GUK1: variants seen among roughly 807,000 people sequenced by gnomAD.
The protein encoded by GUK1 is guanylate kinase 1.
A neutral mutation model predicts 25.2 loss-of-function variants in GUK1; 18 were observed. That is an observed-to-expected ratio of 0.71 (90% CI 0.49 to 1.06). The LOEUF (loss-of-function observed/expected upper bound fraction) is 1.06, where lower values mean the gene tolerates loss of function less well. GUK1 is among the 50% of genes least tolerant of loss of function. GUK1 has a pLI of 0.00. For synonymous variants in GUK1, 105 were observed against 117.6 expected (o/e 0.89, Z 0.69); for missense variants, 261 against 276.7 (o/e 0.94, Z 0.40).
At chr1:228,141,888 T>A in intron 2 of GUK1, 1 of 767,366 alleles carries the variant, frequency 1.3e-6, no homozygotes, top group Non-Finnish European at 1.7e-6. Flanking sequence ...AGTTTGCGAC[T>A]GTGGGTTGGT....
chr1:228,148,478 C>A, intron 8 of GUK1, 22 bp downstream of exon 7: 2 of 1,547,878 alleles, frequency 1.3e-6, no homozygotes, highest in South Asian at 1.2e-5. Context: ...CTTGTGCCTA[C>A]CTGGGCAAGG....
rs779133161 is a variant in GUK1, at chr1:228,148,276, C to T, written c.476-95C>T. On this transcript the variant is annotated intron_variant, in intron 7 of 8. Coordinates refer to ENST00000312726, the MANE Select transcript of GUK1 (RefSeq NM_000858.7). ...AGCTGTCCCACAGCCGCAGTGAGGACAGCCGCAGGCCAGTGGGCTGCTCTG... is the reference window on the plus strand; with the variant it reads ...AGCTGTCCCACAGCCGCAGTGAGGATAGCCGCAGGCCAGTGGGCTGCTCTG... 1.5e-5 allele frequency: 14 copies of T among 904,226 alleles called. No homozygotes were observed. In the African/African-American group the frequency reaches 2.1e-4, roughly 14 times the overall value. 56.0% of individuals were successfully genotyped at this position (904,226 alleles called of 1,614,324 possible).
At chr1:228,140,422 C>T (rs767539464) in intron 1 of GUK1, 59 bp downstream of exon 1, 1 of 1,247,534 alleles carries the variant, frequency 8.0e-7, no homozygotes. Flanking sequence ...GCGGTCCCTG[C>T]GCTTTGCGGT....
intron 2 of GUK1, chr1:228,141,815 C>A (rs778172764): frequency 8.3e-7 from 1 of 1,206,398 alleles, no homozygotes; most frequent in East Asian, 6.7e-5. Context: ...CCTGTGGAGA[C>A]CACGTGCCTG....
At position 228,144,041 on chromosome 1, in the gene GUK1, G is replaced by A. The variant is rs1040432496; in HGVS notation, c.-2-1470G>A. On this transcript the variant is annotated intron_variant, in intron 2 of 8. Coordinates refer to ENST00000312726, the MANE Select transcript of GUK1 (RefSeq NM_000858.7). ...GTACCTTTGCAGGTACACATGTGTGGTGTGTGTGCATTTGCTTGGTGTGCG... is the reference window on the plus strand; with the variant it reads ...GTACCTTTGCAGGTACACATGTGTGATGTGTGTGCATTTGCTTGGTGTGCG... Among the ~76,000 whole-genome samples the A allele has an allele frequency of 3.4e-4, 51 of 152,060 alleles. 1 individual carries two copies.
At chr1:228,148,140 TG>T in intron 7 of GUK1, 1 of 636,696 alleles carries the variant, frequency 1.6e-6, no homozygotes, top group South Asian at 1.7e-5. Context: ...TGATGGGTGC[TG>T]GTGTCCAGAC....
At chr1:228,147,301 G>C in intron 5 of GUK1, 105 bp from the exon 5 acceptor site, 1 of 1,118,534 alleles carries the variant, frequency 8.9e-7, no homozygotes, top group South Asian at 1.4e-5. Flanking sequence ...CCTAGGCTCA[G>C]CTGTGGGAGG....
chr1:228,146,290 G>T, intron 4 of GUK1: 1 of 561,896 alleles, frequency 1.8e-6, no homozygotes, highest in Non-Finnish European at 3.2e-6. Context: ...CAAGGCCTGG[G>T]GCTGTCTTCC....
At chr1:228,148,308 G>C (rs762391593) in intron 7 of GUK1, 63 bp from the exon 7 acceptor site, 60 of 1,150,480 alleles carry the variant, frequency 5.2e-5, no homozygotes, top group Non-Finnish European at 7.6e-5. Context: ...TCTGGGGGTC[G>C]TGTGGGACCT....
Position 228,141,110 on chromosome 1 carries a change from C to T in GUK1, c.-167-14C>T. 1.0e-6 allele frequency: 1 copy of T among 984,344 alleles called. No homozygotes were observed. Among genetic ancestry groups the T allele is most frequent in the Non-Finnish European group, 1.2e-6 (1 of 828,916 alleles). The allele number at this position is 984,344 out of a possible 1,614,324, so 61.0% of individuals were successfully genotyped here. On this transcript the variant is annotated splice_polypyrimidine_tract_variant and intron_variant, in intron 1 of 8. Coordinates refer to ENST00000312726, the MANE Select transcript of GUK1 (RefSeq NM_000858.7). ...CTCTGCTGTCTTTGGGCTCATGGCC[C>T]CTTCCTGTCTCAGGCTTGCTCTGCT...
chr1:228,146,645 T>C, intron 4 of GUK1, 197 bp from the exon 4 acceptor site: 1 of 598,452 alleles, frequency 1.7e-6, no homozygotes, highest in Non-Finnish European at 3.0e-6. Context: ...GTGAGGACAG[T>C]GTGAGAAATG....
At chr1:228,142,967 G>A (rs1214500667) in intron 2 of GUK1, among the ~76,000 whole-genome samples, 2 of 152,102 alleles carry the variant, frequency 1.3e-5, no homozygotes, top group African/African-American at 4.8e-5. Context: ...AGGCACAGCT[G>A]TGCAGACGAC....
At position 228,148,662 on chromosome 1, in the gene GUK1, C is replaced by T. The variant is rs879248335; in HGVS notation, c.562-3C>T. On this transcript the variant is annotated splice_polypyrimidine_tract_variant and splice_region_variant and intron_variant, in intron 8 of 8. Transcript: ENST00000312726. ...CCCAACTCCCTTTCTTCCTCACTGG[C>T]AGGAAATCAAGAAAGCTCAAAGGAC... The T allele has an allele frequency of 1.3e-6, 2 of 1,587,308 alleles. No homozygotes were observed. Among genetic ancestry groups the T allele is most frequent in the South Asian group, 1.1e-5 (1 of 90,730 alleles).
At chr1:228,148,514 C>G (rs1405982462) in intron 8 of GUK1, 58 bp downstream of exon 7, 1 of 1,441,048 alleles carries the variant, frequency 6.9e-7, no homozygotes, top group African/African-American at 1.4e-5. Context: ...GGGGGCCAGG[C>G]CTTTGTTGTC....
chr1:228,148,699 G>A lies in GUK1; in HGVS notation c.*2G>A. 1 of 1,604,964 alleles carries A rather than the reference G, an allele frequency of 6.2e-7. No individual in the cohort carries two copies. Among genetic ancestry groups the A allele is most frequent in the Non-Finnish European group, 8.5e-7 (1 of 1,177,120 alleles). ...AAAGCTCAAAGGACCGGCGCCTGAG[G>A]CTTGCTGTCTGTTCTCGGCACCCCG... On this transcript the variant is annotated 3_prime_UTR_variant, in exon 9 of 9. Coordinates refer to ENST00000312726, the MANE Select transcript of GUK1 (RefSeq NM_000858.7).
chr1:228,146,924 C>T lies in GUK1; in HGVS notation c.237C>T (p.Asn79=), dbSNP rs753634322. ...TCGAGCATGCCGAGTTCTCGGGGAA[C>T]CTGTATGGCACGAGGTGGGCCATGC... Residue 79 remains asparagine, a synonymous_variant, in exon 5 of 9, where the codon AAC becomes AAT. Transcript: ENST00000312726. The T allele has an allele frequency of 1.9e-6, 3 of 1,612,474 alleles. No individual in the cohort carries two copies. Among genetic ancestry groups the T allele is most frequent in the South Asian group, 1.1e-5 (1 of 91,048 alleles).
At chr1:228,141,311 C>G (rs1571880069) in intron 2 of GUK1, 1 of 965,674 alleles carries the variant, frequency 1.0e-6, no homozygotes, top group Non-Finnish European at 1.2e-6. Context: ...TCCTGTCCCC[C>G]CCGGGGAAAG....
chr1:228,140,502 C>A, intron 1 of GUK1, 139 bp downstream of exon 1: 1 of 674,594 alleles, frequency 1.5e-6, no homozygotes, highest in Non-Finnish European at 2.3e-6. Context: ...ACTGTGGGCC[C>A]TGAGAACGGG....
At position 228,148,386 on chromosome 1, in the gene GUK1, T is replaced by C. The variant is rs1165933080; in HGVS notation, c.491T>C (p.Leu164Pro). The change falls in exon 8 of 9, where the codon CTG becomes CCG. Residue 164 changes from leucine (L) to proline (P), a missense_variant. Physicochemically the swap from Leu to Pro is moderately conservative, Grantham distance 98 (BLOSUM62 -3). Coordinates refer to ENST00000312726, the MANE Select transcript of GUK1 (RefSeq NM_000858.7). ...CCACCCACAGGCAAGGAGCCCGGCC[T>C]GTTTGATGTGGTCATCATTAACGAC... 7.1e-6 allele frequency: 11 copies of C among 1,552,784 alleles called. No homozygotes were observed. The highest frequency in any genetic ancestry group is 9.6e-6 in the Non-Finnish European group (11 of 1,144,574).
Sources: gnomAD v4.1 joint callset for allele counts (sites outside exome capture counted in the v4.1 genomes callset) on GRCh38, gnomAD v4.1.1 for gene constraint, MANE v1.5 for transcripts, NCBI Gene and HGNC (gene_info 2026-07-23, HGNC 2026-07-21) for gene names.